The following KLHL14 variants were observed in gnomAD, a reference collection of about 807,000 sequenced individuals.
KLHL14 encodes kelch-like protein 14.
In KLHL14, 22 loss-of-function variants were observed where a neutral mutation model predicts 64.3. The observed-to-expected ratio is 0.34, with a 90% CI of 0.24 to 0.49. KLHL14 has a LOEUF of 0.49. KLHL14 is among the 20% of genes least tolerant of loss of function. The pLI is 0.99. For synonymous variants in KLHL14, 322 were observed against 333.4 expected, an observed-to-expected ratio of 0.97 and a Z score of 0.37; for missense variants, 661 against 789.0, an observed-to-expected ratio of 0.84 and a Z score of 1.94.
In KLHL14 at chr18:32,687,898, T is replaced by C. The variant is rs17745306; in HGVS notation, c.1160-665A>G. Among the ~76,000 whole-genome samples the C allele has an allele frequency of 5.1e-4, 78 of 152,232 alleles. 2 individuals carry two copies. In the East Asian group the frequency reaches 0.013, roughly 25 times the overall value. ...AGCCTGACTGGGAAAGTTAGTTTTG[T>C]CCTATGCATATCAAGTAAGTTCTGT... On this transcript the variant is annotated intron_variant, in intron 4 of 8. Coordinates refer to ENST00000359358, the MANE Select transcript of KLHL14 (RefSeq NM_020805.3).
intron 3 of KLHL14, among the ~76,000 whole-genome samples, chr18:32,698,388 A>G (rs1281793412): frequency 6.6e-6 from 1 of 152,170 alleles, no homozygotes; most frequent in African/African-American, 2.4e-5. Flanking sequence ...AGAGAAGCTA[A>G]TCAGGATGAA....
chr18:32,766,107 C>T (rs2050342393), intron 2 of KLHL14, among the ~76,000 whole-genome samples: 1 of 151,870 alleles, frequency 6.6e-6, no homozygotes, highest in African/African-American at 2.4e-5. Flanking sequence ...CAACATTGAG[C>T]CTTTCTTTTT....
intron 5 of KLHL14, among the ~76,000 whole-genome samples, chr18:32,685,533 G>A (rs2144473019): frequency 6.6e-6 from 1 of 152,300 alleles, no homozygotes; most frequent in East Asian, 1.9e-4. Context: ...TGTAATAACA[G>A]CAACCAGGAA....
At chr18:32,679,689 G>A (rs2049828683) in intron 7 of KLHL14, among the ~76,000 whole-genome samples, 1 of 151,910 alleles carries the variant, frequency 6.6e-6, no homozygotes, top group African/African-American at 2.4e-5. Context: ...GCTTGCTATT[G>A]AATTCTTAAA....
intron 2 of KLHL14, among the ~76,000 whole-genome samples, chr18:32,761,957 G>A (rs2144189286): frequency 6.6e-6 from 1 of 152,174 alleles, no homozygotes; most frequent in Non-Finnish European, 1.5e-5. Context: ...CTTTTGCCAG[G>A]TCAAATTACA....
At chr18:32,676,151 T>C (rs761909841) in intron 8 of KLHL14, among the ~76,000 whole-genome samples, 1 of 152,004 alleles carries the variant, frequency 6.6e-6, no homozygotes, top group Non-Finnish European at 1.5e-5. Flanking sequence ...AAGAAATAAA[T>C]AAAGGAAAAA....
intron 3 of KLHL14, among the ~76,000 whole-genome samples, chr18:32,713,609 C>T (rs1375578088): frequency 6.6e-6 from 1 of 152,084 alleles, no homozygotes; most frequent in Non-Finnish European, 1.5e-5. Flanking sequence ...AAATAACAAC[C>T]TTTAGACATT....
chr18:32,718,564 A>G (rs994510239), intron 3 of KLHL14, among the ~76,000 whole-genome samples: 1 of 152,186 alleles, frequency 6.6e-6, no homozygotes, highest in African/African-American at 2.4e-5. Flanking sequence ...CTAAACATCA[A>G]TGGGCAGTAG....
chr18:32,706,676 A>G (rs1404193417), intron 3 of KLHL14, among the ~76,000 whole-genome samples: 5 of 152,198 alleles, frequency 3.3e-5, no homozygotes, highest in African/African-American at 9.7e-5. Context: ...ACACACATGT[A>G]TTCAGTCTAT....
Position 32,695,459 on chromosome 18 carries a change from T to A in KLHL14, c.1159+4A>T. 1 of 1,594,486 alleles carries A rather than the reference T, an allele frequency of 6.3e-7. No homozygotes were observed. The highest frequency in any genetic ancestry group is 1.7e-5 in the Admixed American group (1 of 59,948). ...CACCTCCAATTAAGTTGTTCAATAG[T>A]TACCATTCGGATTCCACTGGTCCTC... On this transcript the variant is annotated splice_donor_region_variant and intron_variant, in intron 4 of 8. Coordinates refer to ENST00000359358, the MANE Select transcript of KLHL14 (RefSeq NM_020805.3).
intron 3 of KLHL14, among the ~76,000 whole-genome samples, chr18:32,728,549 C>T (rs1409627312): frequency 1.3e-5 from 2 of 152,132 alleles, no homozygotes; most frequent in African/African-American, 4.8e-5. Flanking sequence ...TCCTTACTCC[C>T]AGTACCTGTG....
chr18:32,696,844 T>C (rs140279835), intron 3 of KLHL14, among the ~76,000 whole-genome samples: 1 of 152,358 alleles, frequency 6.6e-6, no homozygotes, highest in East Asian at 1.9e-4. Flanking sequence ...GGTACAGGTT[T>C]GAGACTCATA....
At chr18:32,750,763 G>A (rs1468997869) in intron 2 of KLHL14, among the ~76,000 whole-genome samples, 1 of 152,070 alleles carries the variant, frequency 6.6e-6, no homozygotes, top group Non-Finnish European at 1.5e-5. Context: ...CCAGCTGAGC[G>A]GCCATCAGCT....
intron 3 of KLHL14, among the ~76,000 whole-genome samples, chr18:32,724,288 A>C (rs1015103405): frequency 1.3e-5 from 2 of 152,240 alleles, no homozygotes; most frequent in African/African-American, 4.8e-5. Context: ...GGGGTTATTA[A>C]GGGTGAACCA....
At chr18:32,695,385 A>G in intron 4 of KLHL14, 78 bp downstream of exon 4, 2 of 886,368 alleles carry the variant, frequency 2.3e-6, no homozygotes, top group Admixed American at 3.7e-5. Flanking sequence ...CACACTAATT[A>G]CAAAATGGAC....
intron 2 of KLHL14, among the ~76,000 whole-genome samples, chr18:32,755,711 A>T (rs892145612): frequency 6.6e-6 from 1 of 152,226 alleles, no homozygotes; most frequent in Non-Finnish European, 1.5e-5. Context: ...CTTGCTAAAC[A>T]TGCAGGTTCT....
intron 3 of KLHL14, among the ~76,000 whole-genome samples, chr18:32,741,097 A>T (rs997259497): frequency 6.6e-6 from 1 of 152,246 alleles, no homozygotes; most frequent in African/African-American, 2.4e-5. Context: ...TTATGGATTA[A>T]AATTGCTCAT....
rs373859938 is a variant in KLHL14 at position 32,691,257 on chromosome 18, G to T, written c.1160-4024C>A. Among the ~76,000 whole-genome samples, 21 of 152,282 alleles carry T rather than the reference G, an allele frequency of 1.4e-4. No individual in the cohort carries two copies. In the East Asian group the frequency reaches 3.9e-3, roughly 28 times the overall value. ...AGAGTGCCTTCATGTGCTGAGCATT[G>T]GTGGTAGAAACTAGCAATGTTCACT... On this transcript the variant is annotated intron_variant, in intron 4 of 8. Transcript: ENST00000359358.
chr18:32,706,893 A>G (rs7239898), intron 3 of KLHL14, among the ~76,000 whole-genome samples: 54,586 of 151,900 alleles, frequency 0.36, 11,392 homozygotes, highest in African/African-American at 0.58. Flanking sequence ...CTGAAGGCAT[A>G]AGGCTGGGGG....
Sources: gnomAD v4.1 joint callset for allele counts (sites outside exome capture counted in the v4.1 genomes callset) on GRCh38, gnomAD v4.1.1 for gene constraint, MANE v1.5 for transcripts, NCBI Gene and HGNC (gene_info 2026-07-23, HGNC 2026-07-21) for gene names.